SLC9A9: variants seen among roughly 807,000 people sequenced by gnomAD.
The protein encoded by SLC9A9 is solute carrier family 9 member A9, also known as sodium/hydrogen exchanger 9.
In SLC9A9, 62 loss-of-function variants were observed where a neutral mutation model predicts 77.8. The observed-to-expected ratio is 0.80, with a 90% CI of 0.65 to 0.98. The LOEUF is 0.98. Ranked by LOEUF, SLC9A9 falls within the 50% of genes least tolerant of loss-of-function variation. SLC9A9 has a pLI of 0.00. For missense variants in SLC9A9, 775 were observed against 774.9 expected (o/e 1.00, Z 0.00); for synonymous variants, 320 against 283.5 (o/e 1.13, Z -1.29).
At chr3:143,677,291 TA>T (rs113097324) in intron 5 of SLC9A9, among the ~76,000 whole-genome samples, 4,382 of 152,316 alleles carry the variant, frequency 0.029, 191 homozygotes, top group African/African-American at 0.099. Flanking sequence ...CCACTGCTTT[TA>T]AAAATGTGAA....
chr3:143,839,507 CACACA>C (rs2009653627), intron 1 of SLC9A9, among the ~76,000 whole-genome samples: 2 of 4,140 alleles, frequency 4.8e-4, no homozygotes, highest in Non-Finnish European at 0.013. Context: ...CACATACACA[CACACA>C]CACACACACA....
At chr3:143,515,364 G>C (rs139354278) in intron 9 of SLC9A9, among the ~76,000 whole-genome samples, 115 of 152,288 alleles carry the variant, frequency 7.6e-4, no homozygotes, top group African/African-American at 2.7e-3. Context: ...CTGCTGGAAA[G>C]ATGAGGCAGA....
chr3:143,292,898 C>T (rs1364741935), intron 14 of SLC9A9, among the ~76,000 whole-genome samples: 1 of 152,056 alleles, frequency 6.6e-6, no homozygotes, highest in Non-Finnish European at 1.5e-5. Flanking sequence ...GAGACACATG[C>T]CTGGGGCTGG....
chr3:143,325,210 C>T (rs755882944), intron 14 of SLC9A9, among the ~76,000 whole-genome samples: 15 of 152,120 alleles, frequency 9.9e-5, no homozygotes, highest in African/African-American at 1.7e-4. Flanking sequence ...TACCCTCCCT[C>T]GATCCCAGAT....
At chr3:143,526,321 G>C (rs1283550277) in intron 9 of SLC9A9, among the ~76,000 whole-genome samples, 1 of 152,220 alleles carries the variant, frequency 6.6e-6, no homozygotes, top group Non-Finnish European at 1.5e-5. Flanking sequence ...CAATTCATGT[G>C]TGTCACAGCC....
intron 12 of SLC9A9, among the ~76,000 whole-genome samples, chr3:143,390,176 C>T (rs566632121): frequency 2.0e-5 from 3 of 152,266 alleles, no homozygotes; most frequent in African/African-American, 7.2e-5. Flanking sequence ...TTCTCCTAGA[C>T]ATTATGGAGG....
chr3:143,311,569 C>G (rs2031019376), intron 14 of SLC9A9, among the ~76,000 whole-genome samples: 1 of 152,180 alleles, frequency 6.6e-6, no homozygotes, highest in African/African-American at 2.4e-5. Context: ...CACTTTTTAT[C>G]TTACAGAACA....
At chr3:143,671,031 C>T (rs1018276785) in intron 5 of SLC9A9, among the ~76,000 whole-genome samples, 11 of 152,214 alleles carry the variant, frequency 7.2e-5, no homozygotes, top group African/African-American at 2.7e-4. Context: ...ATCTCTGCCA[C>T]TTACGAGCCT....
intron 2 of SLC9A9, among the ~76,000 whole-genome samples, chr3:143,810,254 T>C (rs1410933761): frequency 6.6e-6 from 1 of 152,196 alleles, no homozygotes; most frequent in African/African-American, 2.4e-5. Flanking sequence ...AATTTCCAAG[T>C]TCATCAGAAG....
chr3:143,775,467 T>G (rs2007659088), intron 4 of SLC9A9, among the ~76,000 whole-genome samples: 1 of 152,236 alleles, frequency 6.6e-6, no homozygotes, highest in Admixed American at 6.5e-5. Context: ...TGAAGTTTGA[T>G]TATACATAAA....
chr3:143,634,517 A>T (rs2038481459), intron 6 of SLC9A9, among the ~76,000 whole-genome samples: 1 of 152,096 alleles, frequency 6.6e-6, no homozygotes, highest in Admixed American at 6.6e-5. Flanking sequence ...TGATCTCTCC[A>T]ACTTTTTCCC....
chr3:143,643,183 C>A (rs1020496417), intron 6 of SLC9A9, among the ~76,000 whole-genome samples: 65 of 152,212 alleles, frequency 4.3e-4, no homozygotes, highest in African/African-American at 1.6e-3. Context: ...CACCTCAGGG[C>A]AGTTTCAGTG....
chr3:143,300,295 G>A (rs968224044), intron 14 of SLC9A9, among the ~76,000 whole-genome samples: 6 of 152,176 alleles, frequency 3.9e-5, no homozygotes, highest in East Asian at 1.9e-4. Flanking sequence ...AAGAGAGAAT[G>A]CATGTAGAGC....
chr3:143,678,879 C>T (rs1028787696), intron 5 of SLC9A9, among the ~76,000 whole-genome samples: 3 of 152,110 alleles, frequency 2.0e-5, no homozygotes, highest in South Asian at 4.1e-4. Context: ...AGATGGTGAA[C>T]TATAATAGCA....
intron 1 of SLC9A9, among the ~76,000 whole-genome samples, chr3:143,840,800 G>A (rs1161716088): frequency 6.6e-6 from 1 of 151,942 alleles, no homozygotes; most frequent in African/African-American, 2.4e-5. Flanking sequence ...GAATTTGAGA[G>A]TGCACGCTTT....
chr3:143,729,177 A>T (rs1934739761), intron 4 of SLC9A9, among the ~76,000 whole-genome samples: 1 of 152,110 alleles, frequency 6.6e-6, no homozygotes, highest in African/African-American at 2.4e-5. Flanking sequence ...CAACTCCCTA[A>T]GGAAGCCTTC....
chr3:143,274,009 T>C (rs1234724871), intron 14 of SLC9A9, among the ~76,000 whole-genome samples: 1 of 152,224 alleles, frequency 6.6e-6, no homozygotes, highest in Non-Finnish European at 1.5e-5. Context: ...ACATATATAA[T>C]GGTCTCTGCC....
intron 12 of SLC9A9, among the ~76,000 whole-genome samples, chr3:143,451,366 T>C (rs969861089): frequency 5.3e-5 from 8 of 152,212 alleles, no homozygotes; most frequent in African/African-American, 1.9e-4. Flanking sequence ...AAACTTTAGT[T>C]AAAATCTCAT....
chr3:143,713,870 A>G (rs899537087), intron 4 of SLC9A9, among the ~76,000 whole-genome samples: 6 of 152,250 alleles, frequency 3.9e-5, no homozygotes, highest in Admixed American at 3.3e-4. Flanking sequence ...TAAGAGGAAG[A>G]TGGGAAAATG....
Sources: allele counts gnomAD v4.1 joint callset (sites outside exome capture counted in the v4.1 genomes callset), GRCh38; gene constraint gnomAD v4.1.1; transcripts MANE v1.5; gene names NCBI Gene and HGNC (gene_info 2026-07-23, HGNC 2026-07-21).